SVOP: variants seen among roughly 807,000 people sequenced by gnomAD.
The protein encoded by SVOP is synaptic vesicle 2-related protein.
Under a neutral mutation model 69.1 loss-of-function variants are expected in SVOP, and 17 were observed. The observed-to-expected ratio is 0.25, with a 90% confidence interval of 0.17 to 0.37. The LOEUF is 0.37. Among genes scored for constraint, SVOP ranks in the 10% least tolerant of loss-of-function variants. SVOP has a pLI of 1.00. For synonymous variants in SVOP, 238 were observed against 238.6 expected, an observed-to-expected ratio of 1.00 and a Z score of 0.02; for missense variants, 435 against 597.5, an observed-to-expected ratio of 0.73 and a Z score of 2.84.
intron 11 of SVOP, among the ~76,000 whole-genome samples, chr12:108,926,174 C>A (rs2039779220): frequency 6.6e-6 from 1 of 152,164 alleles, no homozygotes; most frequent in Non-Finnish European, 1.5e-5. Flanking sequence ...TCCCTCCTCG[C>A]CCTCCCAATT....
intron 1 of SVOP, among the ~76,000 whole-genome samples, chr12:109,000,026 T>C (rs1236347618): frequency 6.6e-6 from 1 of 151,466 alleles, no homozygotes; most frequent in Admixed American, 6.6e-5. Flanking sequence ...ATCCAGGAGC[T>C]GGTTTTTTGA....
chr12:109,012,219 G>A (rs1365503406), intron 1 of SVOP, among the ~76,000 whole-genome samples: 1 of 151,986 alleles, frequency 6.6e-6, no homozygotes, highest in Non-Finnish European at 1.5e-5. Flanking sequence ...AGAGGTGGAG[G>A]TTGCAGTGAG....
Position 108,912,079 on chromosome 12 carries a change from GAAGA to G in SVOP, c.*452_*455del. ...CACCTAGATCGCCTGCAATTTCAAAGAAGAAAGCCTGGGGCTGTGAGTGTGGGAG... is the reference window on the plus strand; with the variant it reads ...CACCTAGATCGCCTGCAATTTCAAAGAAGCCTGGGGCTGTGAGTGTGGGAG... On this transcript the variant is annotated 3_prime_UTR_variant, in exon 16 of 16. Coordinates refer to ENST00000610966, the MANE Select transcript of SVOP (RefSeq NM_018711.5). 1.3e-6 allele frequency: 1 copy of G among 776,404 alleles called. No homozygotes were observed. The highest frequency in any genetic ancestry group is 1.6e-6 in the Non-Finnish European group (1 of 635,380). 48.1% of individuals were successfully genotyped at this position (776,404 alleles called of 1,614,324 possible).
At chr12:108,937,774 C>T (rs1287693094) in intron 9 of SVOP, among the ~76,000 whole-genome samples, 2 of 152,216 alleles carry the variant, frequency 1.3e-5, no homozygotes, top group African/African-American at 4.8e-5. Flanking sequence ...GCCAATTTAC[C>T]AAAAGATTGA....
At chr12:108,978,053 G>A (rs1274367957) in intron 3 of SVOP, among the ~76,000 whole-genome samples, 2 of 152,134 alleles carry the variant, frequency 1.3e-5, no homozygotes, top group East Asian at 1.9e-4. Context: ...TTTGGTATAC[G>A]ATAAAGGCAG....
At chr12:108,988,330 C>T (rs890261772) in intron 1 of SVOP, among the ~76,000 whole-genome samples, 1 of 152,132 alleles carries the variant, frequency 6.6e-6, no homozygotes, top group Non-Finnish European at 1.5e-5. Context: ...GATCATAAGG[C>T]TTTTCTCCTA....
intron 4 of SVOP, among the ~76,000 whole-genome samples, chr12:108,976,447 C>T (rs2040106719): frequency 6.6e-6 from 1 of 152,162 alleles, no homozygotes; most frequent in African/African-American, 2.4e-5. Flanking sequence ...AATCATAGCG[C>T]CTAGCTCATA....
intron 7 of SVOP, among the ~76,000 whole-genome samples, chr12:108,944,335 T>C (rs149532587): frequency 0.85 from 128,860 of 152,174 alleles, 54,716 homozygotes; most frequent in East Asian, 0.96. Flanking sequence ...ATTTAAACAA[T>C]GGATTCATCC....
At chr12:108,925,042 A>C (rs1305906985) in intron 11 of SVOP, among the ~76,000 whole-genome samples, 2 of 152,124 alleles carry the variant, frequency 1.3e-5, no homozygotes, top group Non-Finnish European at 2.9e-5. Flanking sequence ...ATTACAAATC[A>C]AAGAATCTCT....
chr12:108,923,299 G>C (rs1265684201), intron 11 of SVOP, among the ~76,000 whole-genome samples: 1 of 152,140 alleles, frequency 6.6e-6, no homozygotes, highest in Admixed American at 6.5e-5. Flanking sequence ...TGTCTCTTAT[G>C]CTTTTCCTTG....
At chr12:108,918,582 A>T (rs1031023763) in intron 13 of SVOP, among the ~76,000 whole-genome samples, 2 of 152,076 alleles carry the variant, frequency 1.3e-5, no homozygotes, top group Non-Finnish European at 2.9e-5. Flanking sequence ...TACATCTCCC[A>T]ATCTTCCTCA....
intron 7 of SVOP, among the ~76,000 whole-genome samples, chr12:108,944,162 G>A (rs1368011868): frequency 2.0e-5 from 3 of 151,626 alleles, no homozygotes; most frequent in African/African-American, 7.3e-5. Context: ...TTATGGGCAT[G>A]AGCCACTGCG....
chr12:108,971,666 G>C lies in SVOP; in HGVS notation c.453+739C>G, dbSNP rs554583792. Among the ~76,000 whole-genome samples, 11 of 152,266 alleles carry C rather than the reference G, an allele frequency of 7.2e-5. No individual in the cohort carries two copies. The South Asian group carries it at 2.3e-3, about 32-fold the overall frequency. ...GAGCAGTGATTCCAGTAGGGGAGTG[G>C]AGAAGTGAGACAGGGAAGGGAAGGA... On this transcript the variant is annotated intron_variant, in intron 5 of 15. Transcript: ENST00000610966.
In SVOP at chr12:108,972,399, C is replaced by T; in HGVS notation, c.453+6G>A. 1 of 1,537,006 alleles carries T rather than the reference C, an allele frequency of 6.5e-7. No individual in the cohort carries two copies. The highest frequency in any genetic ancestry group is 8.7e-7 in the Non-Finnish European group (1 of 1,146,768). On this transcript the variant is annotated splice_donor_region_variant and intron_variant, in intron 5 of 15. Transcript: ENST00000610966. ...ACATGCGTTTAGAAGAGTAAGTTTGCCTTACTGTTTTCCTGCCGTACTGGT... is the reference window on the plus strand; with the variant it reads ...ACATGCGTTTAGAAGAGTAAGTTTGTCTTACTGTTTTCCTGCCGTACTGGT...
chr12:108,921,355 T>C (rs1184574893), intron 12 of SVOP, among the ~76,000 whole-genome samples: 2 of 152,140 alleles, frequency 1.3e-5, no homozygotes, highest in Non-Finnish European at 2.9e-5. Flanking sequence ...CTCAGTATCA[T>C]AGTTGGGTTT....
intron 14 of SVOP, 135 bp from the exon 15 acceptor site, chr12:108,916,007 A>G (rs1593175196): frequency 1.3e-6 from 1 of 779,548 alleles, no homozygotes. Flanking sequence ...TGACGCCCTT[A>G]AGGGACAGGG....
At chr12:109,001,896 T>C (rs1318197956) in intron 1 of SVOP, among the ~76,000 whole-genome samples, 1 of 149,026 alleles carries the variant, frequency 6.7e-6, no homozygotes, top group African/African-American at 2.5e-5. Flanking sequence ...GACATAGGCA[T>C]GGGCAAGGAC....
chr12:108,969,529 G>A (rs909549389), intron 5 of SVOP, among the ~76,000 whole-genome samples: 1 of 151,794 alleles, frequency 6.6e-6, no homozygotes, highest in Non-Finnish European at 1.5e-5. Context: ...GTTTCACCAT[G>A]TTGGTCAGGC....
intron 2 of SVOP, among the ~76,000 whole-genome samples, chr12:108,982,764 TCAA>T (rs1303640430): frequency 8.6e-5 from 7 of 81,042 alleles, no homozygotes; most frequent in Non-Finnish European, 1.8e-4. Context: ...ATCACTATCA[TCAA>T]CATCACCACC....
Sources: allele counts gnomAD v4.1 joint callset (sites outside exome capture counted in the v4.1 genomes callset), GRCh38; gene constraint gnomAD v4.1.1; transcripts MANE v1.5; gene names NCBI Gene and HGNC (gene_info 2026-07-23, HGNC 2026-07-21).